Variants in ZNF229 observed in about 807,000 individuals in gnomAD.
ZNF229 encodes zinc finger protein 229.
In ZNF229, 10 loss-of-function variants were observed where a neutral mutation model predicts 11.8. The observed-to-expected ratio is 0.85, with a 90% confidence interval of 0.52 to 1.44. The LOEUF is 1.44. ZNF229 is among the 40% of genes most tolerant of loss of function. The pLI is 0.00. For missense variants in ZNF229, 1,045 were observed against 1,015.1 expected, an observed-to-expected ratio of 1.03 and a Z score of -0.40; for synonymous variants, 368 against 374.8, an observed-to-expected ratio of 0.98 and a Z score of 0.21.
intron 3 of ZNF229, 32 bp downstream of exon 3, chr19:44,442,782 T>TCCCCCCC: frequency 1.9e-6 from 3 of 1,545,182 alleles, no homozygotes; most frequent in Non-Finnish European, 2.7e-6. Flanking sequence ...GTTTGGATTC[T>TCCCCCCC]CCCCCCACCC....
chr19:44,442,464 A>G, intron 4 of ZNF229, 99 bp downstream of exon 4: 3 of 1,199,302 alleles, frequency 2.5e-6, no homozygotes, highest in Non-Finnish European at 3.7e-6. Context: ...GTATTCACCC[A>G]ATACATTTTT....
In ZNF229 at chr19:44,442,627, G is replaced by C. The variant is rs1471495283; in HGVS notation, c.35-6C>G. ...TGAGGCTTGAGAATGAAGAGCTGTAGGAGGAGAAAGAGGCCATGAGGAGGA... is the reference window on the plus strand; with the variant it reads ...TGAGGCTTGAGAATGAAGAGCTGTACGAGGAGAAAGAGGCCATGAGGAGGA... On this transcript the variant is annotated splice_region_variant and splice_polypyrimidine_tract_variant and intron_variant, in intron 3 of 5. Coordinates refer to ENST00000614049, the MANE Select transcript of ZNF229 (RefSeq NM_014518.4). 6.2e-7 allele frequency: 1 copy of C among 1,613,942 alleles called. No homozygotes were observed. Among genetic ancestry groups the C allele is most frequent in the Middle Eastern group, 1.6e-4 (1 of 6,084 alleles).
chr19:44,437,128 G>A (rs1430206464), intron 4 of ZNF229, among the ~76,000 whole-genome samples: 1 of 151,694 alleles, frequency 6.6e-6, no homozygotes, highest in Non-Finnish European at 1.5e-5. Flanking sequence ...GTTATACTAG[G>A]GATAAAACAT....
chr19:44,440,043 T>C (rs1362105268), intron 4 of ZNF229, among the ~76,000 whole-genome samples: 2 of 152,128 alleles, frequency 1.3e-5, no homozygotes, highest in African/African-American at 4.8e-5. Context: ...CTCACAGTTG[T>C]AAACTGCACA....
chr19:44,428,406 C>A lies in ZNF229; in HGVS notation c.2375G>T (p.Gly792Val). 6.2e-7 allele frequency: 1 copy of A among 1,614,136 alleles called. No individual in the cohort carries two copies. Among genetic ancestry groups the A allele is most frequent in the Non-Finnish European group, 8.5e-7 (1 of 1,180,036 alleles). The change falls in exon 6 of 6, where the codon GGA becomes GTA. Residue 792 changes from glycine to valine, a missense_variant. Transcript: ENST00000614049. The stretch of plus-strand genomic sequence containing the variant: ...CACACCACACGTATAGGGCTTCTCT[C>A]CAGTGTGGACTCTCTGATGAACATG... The part of the protein sequence containing the change: ...CLHVHQRVHT[G>V]EKPYTCGVCG...
intron 4 of ZNF229, among the ~76,000 whole-genome samples, chr19:44,435,153 T>C (rs1227653097): frequency 6.6e-6 from 1 of 152,200 alleles, no homozygotes; most frequent in Admixed American, 6.5e-5. Flanking sequence ...GAGAACAGAC[T>C]AATACAGAAT....
intron 5 of ZNF229, chr19:44,431,899 T>C: frequency 1.3e-6 from 1 of 762,162 alleles, no homozygotes; most frequent in Non-Finnish European, 1.6e-6. Context: ...GTCATGGAGG[T>C]GGAACCCCCA....
Position 44,429,975 on chromosome 19 carries a change from T to C in ZNF229, c.806A>G (p.Glu269Gly). The change falls in exon 6 of 6, where the codon GAA (glutamate) becomes GGA (glycine). Residue 269 changes from glutamate (E) to glycine (G), a missense_variant. Physicochemically the swap from Glu to Gly is moderately conservative, Grantham distance 98. Transcript: ENST00000614049. ...NPGENGLKSNEYRNGFRDDAD... is the reference protein window; with the variant it reads ...NPGENGLKSNGYRNGFRDDAD... ...ATCGTCCCTGAAGCCATTTCTGTAT[T>C]CGTTACTTTTCAAGCCATTCTCTCC... 2 of 1,613,882 alleles carry C rather than the reference T, an allele frequency of 1.2e-6. No homozygotes were observed. Among genetic ancestry groups the C allele is most frequent in the Non-Finnish European group, 1.7e-6 (2 of 1,179,814 alleles).
rs1161479852 is a variant in ZNF229 at position 44,430,387 on chromosome 19, G to T, written c.394C>A (p.Gln132Lys). The change falls in exon 6 of 6, where the codon CAG (glutamine) becomes AAG (lysine). Residue 132 changes from glutamine to lysine, a missense_variant. By Grantham distance (53) the Gln-to-Lys change is moderately conservative (BLOSUM62 1). Coordinates refer to ENST00000614049, the MANE Select transcript of ZNF229 (RefSeq NM_014518.4). The stretch of plus-strand genomic sequence containing the variant: ...TGGGGAGCAGCATCTTCTGAGAACT[G>T]GAAGTCTTTTCCTTGCAGATTTACT... ...CRVNLQGKDF[Q>K]FSEDAAPHQG... 1 of 1,614,146 alleles carries T rather than the reference G, an allele frequency of 6.2e-7. No homozygotes were observed. The highest frequency in any genetic ancestry group is 8.5e-7 in the Non-Finnish European group (1 of 1,180,036).
intron 2 of ZNF229, among the ~76,000 whole-genome samples, chr19:44,443,407 G>T (rs1309624712): frequency 2.6e-5 from 4 of 152,160 alleles, no homozygotes; most frequent in Non-Finnish European, 4.4e-5. Context: ...CATACTTAGG[G>T]ATTATAGAAA....
intron 2 of ZNF229, among the ~76,000 whole-genome samples, chr19:44,443,320 G>T (rs185421369): frequency 6.6e-6 from 1 of 152,284 alleles, no homozygotes; most frequent in East Asian, 1.9e-4. Flanking sequence ...TGTGACCTGT[G>T]AAGAAACACC....
chr19:44,429,458 G>C lies in ZNF229; in HGVS notation c.1323C>G (p.Gly441=), dbSNP rs1971663587. Residue 441 remains glycine (G), a synonymous_variant, in exon 6 of 6, where the codon GGC becomes GGG. Transcript: ENST00000614049. ...KPYTCSECGK[G]FCAKSALHKH... The stretch of plus-strand genomic sequence containing the variant: ...TGTGCAGTGCAGACTTGGCACAGAA[G>C]CCTTTGCCACACTCGCTGCAGGTGT... 6.2e-7 allele frequency: 1 copy of C among 1,613,620 alleles called. No individual in the cohort carries two copies. The highest frequency in any genetic ancestry group is 8.5e-7 in the Non-Finnish European group (1 of 1,179,974).
intron 4 of ZNF229, among the ~76,000 whole-genome samples, chr19:44,442,126 C>CT (rs1202759985): frequency 8.7e-6 from 1 of 114,706 alleles, no homozygotes; most frequent in Non-Finnish European, 1.8e-5. Context: ...ATATGTTTTT[C>CT]TTTTTTTAAC....
chr19:44,448,493 A>C (rs1972043496), upstream of ZNF229: 1 of 152,114 alleles, frequency 6.6e-6, no homozygotes, highest in Non-Finnish European at 1.5e-5. Context: ...CCGGAAACGG[A>C]AGTAGTCGAC....
rs949808299 is a variant in ZNF229, at chr19:44,428,099, C to T, written c.*204G>A. 9 of 567,816 alleles carry T rather than the reference C, an allele frequency of 1.6e-5. No individual in the cohort carries two copies. Among genetic ancestry groups the T allele is most frequent in the Admixed American group, 3.2e-5 (1 of 30,922 alleles). The allele number at this position is 567,816 out of a possible 1,614,324, so 35.2% of individuals were successfully genotyped here. ...AAAGCCTACTCCGCTGCACAACAGA[C>T]TCTTAAAGACTGAAGTTTGTAACTG... On this transcript the variant is annotated 3_prime_UTR_variant, in exon 6 of 6. Coordinates refer to ENST00000614049, the MANE Select transcript of ZNF229 (RefSeq NM_014518.4).
rs1350288830 is a variant in ZNF229 at position 44,431,905 on chromosome 19, C to A, written c.238+317G>T. 50 of 721,932 alleles carry A rather than the reference C, an allele frequency of 6.9e-5. No homozygotes were observed. The South Asian group carries it at 2.2e-3, about 32-fold the overall frequency. 44.7% of individuals were successfully genotyped at this position (721,932 alleles called of 1,614,324 possible). ...GGTAATTAAGTCATGGAGGTGGAAC[C>A]CCCAGGAAAGAAATTAGTGTCCTTA... On this transcript the variant is annotated intron_variant, in intron 5 of 5. Coordinates refer to ENST00000614049, the MANE Select transcript of ZNF229 (RefSeq NM_014518.4).
chr19:44,431,869 G>A (rs1447676266), intron 5 of ZNF229: 32 of 940,328 alleles, frequency 3.4e-5, no homozygotes, highest in Non-Finnish European at 4.1e-5. Flanking sequence ...GGAGGTGGTG[G>A]GTCTTCCGGA....
At chr19:44,440,148 A>T (rs1260337081) in intron 4 of ZNF229, among the ~76,000 whole-genome samples, 1 of 152,148 alleles carries the variant, frequency 6.6e-6, no homozygotes, top group Non-Finnish European at 1.5e-5. Flanking sequence ...GAAATTTTTT[A>T]AGTGTAAAAA....
At chr19:44,435,481 T>G (rs556706491) in intron 4 of ZNF229, among the ~76,000 whole-genome samples, 1 of 152,144 alleles carries the variant, frequency 6.6e-6, no homozygotes, top group African/African-American at 2.4e-5. Flanking sequence ...CAGATATGCT[T>G]AATTCCTCCA....
Sources: gnomAD v4.1 joint callset for allele counts (sites outside exome capture counted in the v4.1 genomes callset) on GRCh38, gnomAD v4.1.1 for gene constraint, MANE v1.5 for transcripts, NCBI Gene and HGNC (gene_info 2026-07-23, HGNC 2026-07-21) for gene names.